GNG7: variants seen among roughly 807,000 people sequenced by gnomAD.
GNG7 encodes guanine nucleotide-binding protein G(I)/G(S)/G(O) subunit gamma-7.
Under a neutral mutation model 4.0 loss-of-function variants are expected in GNG7, and 1 was observed. The ratio of observed to expected loss-of-function variants is 0.25; its 90% CI spans 0.09 to 1.18. GNG7 has a LOEUF of 1.18. GNG7 is among the 50% of genes most tolerant of loss of function. The pLI is 0.50. For synonymous variants in GNG7, 34 were observed against 36.9 expected, an observed-to-expected ratio of 0.92 and a Z score of 0.29; for missense variants, 86 against 91.9, an observed-to-expected ratio of 0.94 and a Z score of 0.26.
In GNG7 at chr19:2,514,459, A is replaced by G. The variant is rs1351345610; in HGVS notation, c.*563T>C. On this transcript the variant is annotated 3_prime_UTR_variant, in exon 5 of 5. Transcript: ENST00000382159. ...ACCATCACAATCCGAGTTTAGCCGT[A>G]TGGAGTAACAATTTTTTAAATAAAG... 1.3e-5 allele frequency: 2 copies of G among 153,708 alleles called. No individual in the cohort carries two copies. The highest frequency in any genetic ancestry group is 2.9e-5 in the Non-Finnish European group (2 of 69,162). The allele number at this position is 153,708 out of a possible 1,614,324, so 9.5% of individuals were successfully genotyped here. A position where few individuals can be genotyped will look rare whatever the true frequency, so the allele number is the denominator to read the frequency against.
intron 3 of GNG7, among the ~76,000 whole-genome samples, chr19:2,524,814 GTGCA>G (rs1978341949): frequency 6.6e-6 from 1 of 152,226 alleles, no homozygotes; most frequent in Non-Finnish European, 1.5e-5. Flanking sequence ...CTATGGGTGT[GTGCA>G]TGCGTGTTGG....
At chr19:2,522,506 G>A (rs1978314979) in intron 3 of GNG7, among the ~76,000 whole-genome samples, 1 of 151,898 alleles carries the variant, frequency 6.6e-6, no homozygotes, top group African/African-American at 2.4e-5. Flanking sequence ...CGGGCGCGGT[G>A]GCTCACGCCT....
At position 2,633,764 on chromosome 19, in the gene GNG7, T is replaced by C. The variant is rs994079404; in HGVS notation, c.-78+12460A>G. 6.6e-6 allele frequency among the ~76,000 whole-genome samples: 1 copy of C among 151,912 alleles called. No individual in the cohort carries two copies. The highest frequency in any genetic ancestry group is 2.4e-5 in the African/African-American group (1 of 41,356). On this transcript the variant is annotated intron_variant, in intron 2 of 4. Coordinates refer to ENST00000382159, the MANE Select transcript of GNG7 (RefSeq NM_052847.3). The surrounding 1 kb of genome is among the most constrained non-coding windows in gnomAD (Gnocchi z 5.9). ...TCCAGAAGAGGACAGAAGCCTGCTC[T>C]CAACTCACCCGGGAGGCAGGTTCTT...
chr19:2,665,432 A>G (rs1983285142), intron 1 of GNG7, among the ~76,000 whole-genome samples: 1 of 151,858 alleles, frequency 6.6e-6, no homozygotes, highest in South Asian at 2.1e-4. Context: ...TGGAACTGGA[A>G]TGTCTGGTGA....
chr19:2,608,789 C>A (rs534939427), intron 2 of GNG7, among the ~76,000 whole-genome samples: 53 of 152,346 alleles, frequency 3.5e-4, no homozygotes, highest in African/African-American at 1.0e-3. Flanking sequence ...CTCCAGGTAA[C>A]CCTGTCTGCT....
rs191628491 is a variant in GNG7, at chr19:2,634,912, G to A, written c.-78+11312C>T. ...CAAAAAAAAAAAACCCTCGCCGGGA[G>A]AACAAGGAGCTACCAGAAAAACACA... On this transcript the variant is annotated intron_variant, in intron 2 of 4. Coordinates refer to ENST00000382159, the MANE Select transcript of GNG7 (RefSeq NM_052847.3). The surrounding 1 kb of genome is among the most constrained non-coding windows in gnomAD (Gnocchi z 5.3). Among the ~76,000 whole-genome samples, 938 of 152,086 alleles carry A rather than the reference G, an allele frequency of 6.2e-3. 5 individuals carry two copies. Among genetic ancestry groups the A allele is most frequent in the Admixed American group, 0.011 (170 of 15,274 alleles).
At chr19:2,628,260 G>A (rs968824897) in intron 2 of GNG7, among the ~76,000 whole-genome samples, 5 of 152,154 alleles carry the variant, frequency 3.3e-5, no homozygotes, top group African/African-American at 1.2e-4. Flanking sequence ...TATGGGCTGG[G>A]CCGAGTTGTC....
intron 3 of GNG7, among the ~76,000 whole-genome samples, chr19:2,535,912 G>T (rs1978720577): frequency 6.6e-6 from 1 of 152,010 alleles, no homozygotes; most frequent in Admixed American, 6.6e-5. Flanking sequence ...GGTCACTTGA[G>T]CCCAGGAGTT....
At chr19:2,568,338 T>G (rs893180744) in intron 2 of GNG7, among the ~76,000 whole-genome samples, 1 of 140,904 alleles carries the variant, frequency 7.1e-6, no homozygotes, top group Non-Finnish European at 1.5e-5. Context: ...TACACACATA[T>G]AGACATACAT....
intron 2 of GNG7, among the ~76,000 whole-genome samples, chr19:2,624,528 CAAAAAAA>C (rs921061279): frequency 1.1e-4 from 7 of 62,484 alleles, no homozygotes; most frequent in South Asian, 5.8e-4. Context: ...GACTCCGTCT[CAAAAAAA>C]AAAAAAAAAA....
At chr19:2,650,378 G>C (rs888584733) in intron 1 of GNG7, among the ~76,000 whole-genome samples, 4 of 151,902 alleles carry the variant, frequency 2.6e-5, no homozygotes, top group African/African-American at 9.7e-5. Context: ...TAGTAGAGAC[G>C]GGGTTTCCTC....
Position 2,637,215 on chromosome 19 carries a change from C to CCG in GNG7, c.-78+9008_-78+9009insCG, listed in dbSNP as rs961558624. Among the ~76,000 whole-genome samples the CCG allele has an allele frequency of 2.5e-3, 372 of 151,816 alleles. 2 individuals are homozygous for CCG. Among genetic ancestry groups the CCG allele is most frequent in the African/African-American group, 7.9e-3 (329 of 41,500 alleles). ...TTCAGAGGCCCCAGGAACAGGCTCC[C>CCG]CCCGCCCCCGAGCCCGGCCCGTCTT... On this transcript the variant is annotated intron_variant, in intron 2 of 4. Transcript: ENST00000382159.
At position 2,626,038 on chromosome 19, in the gene GNG7, T is replaced by A. The variant is rs1454555123; in HGVS notation, c.-78+20186A>T. 2.0e-5 allele frequency among the ~76,000 whole-genome samples: 3 copies of A among 152,150 alleles called. No homozygotes were observed. Among genetic ancestry groups the A allele is most frequent in the Non-Finnish European group, 4.4e-5 (3 of 68,028 alleles). On this transcript the variant is annotated intron_variant, in intron 2 of 4. Transcript: ENST00000382159. The surrounding 1 kb of genome is among the most constrained non-coding windows in gnomAD (Gnocchi z 5.0). ...CCTGACCTCAGGTGATCCACCCGCC[T>A]CGGCCTCCCAAAGTGCTGGGATGAC...
chr19:2,682,829 A>G lies in GNG7; in HGVS notation c.-135+19817T>C, dbSNP rs531668788. Among the ~76,000 whole-genome samples the G allele has an allele frequency of 4.8e-4, 73 of 152,068 alleles. 1 individual carries two copies. In the South Asian group the frequency reaches 0.015, roughly 31 times the overall value. On this transcript the variant is annotated intron_variant, in intron 1 of 4. Coordinates refer to ENST00000382159, the MANE Select transcript of GNG7 (RefSeq NM_052847.3). ...AGGGGTTGCTCTGGGGGTAACTGCA[A>G]TGCTGGGGTGAGGGGCAATCGGAAA...
chr19:2,533,246 A>G (rs1435982730), intron 3 of GNG7, among the ~76,000 whole-genome samples: 1 of 148,838 alleles, frequency 6.7e-6, no homozygotes, highest in Non-Finnish European at 1.5e-5. Flanking sequence ...TTAAATATTA[A>G]TATTAAATAT....
rs190959793 is a variant in GNG7 at position 2,513,593 on chromosome 19, G to A, written c.*1429C>T. 3.9e-4 allele frequency: 385 copies of A among 985,354 alleles called. No homozygotes were observed. The African/African-American group carries it at 6.3e-3, about 16-fold the overall frequency. 61.0% of individuals were successfully genotyped at this position (985,354 alleles called of 1,614,324 possible). ...CCATCCTGCGTCTAAGGCATCTCCC[G>A]GCCTCAGACAGCCGTCCTGGGTTGC... On this transcript the variant is annotated 3_prime_UTR_variant, in exon 5 of 5. Transcript: ENST00000382159.
chr19:2,529,256 G>A (rs1015539318), intron 3 of GNG7, among the ~76,000 whole-genome samples: 9 of 152,190 alleles, frequency 5.9e-5, no homozygotes, highest in Admixed American at 2.6e-4. Flanking sequence ...TCACTCTGTC[G>A]CCCAGGCTGG....
At chr19:2,594,785 A>G (rs1428287045) in intron 2 of GNG7, among the ~76,000 whole-genome samples, 1 of 152,104 alleles carries the variant, frequency 6.6e-6, no homozygotes, top group East Asian at 1.9e-4. Flanking sequence ...CCTGTTACCA[A>G]TAACCAGCCT....
chr19:2,575,305 G>A (rs183733835), intron 2 of GNG7, among the ~76,000 whole-genome samples: 12 of 152,240 alleles, frequency 7.9e-5, no homozygotes, highest in South Asian at 2.1e-4. Flanking sequence ...GAACTACTGG[G>A]TTCAAGCAAT....
Sources: allele counts gnomAD v4.1 joint callset (sites outside exome capture counted in the v4.1 genomes callset), GRCh38; gene constraint gnomAD v4.1.1; non-coding constraint Gnocchi (gnomAD v3.1); transcripts MANE v1.5; gene names NCBI Gene and HGNC (gene_info 2026-07-23, HGNC 2026-07-21).